CDH4: variants seen among roughly 807,000 people sequenced by gnomAD.
CDH4 encodes cadherin-4.
A neutral mutation model predicts 86.0 loss-of-function variants in CDH4; 33 were observed. The observed-to-expected ratio is 0.38, with a 90% CI of 0.29 to 0.51. The LOEUF (loss-of-function observed/expected upper bound fraction) is 0.51, where lower values mean the gene tolerates loss of function less well. Among genes scored for constraint, CDH4 ranks in the 20% least tolerant of loss-of-function variants. The pLI is 0.86. For missense variants in CDH4, 1,114 were observed against 1,307.4 expected (o/e 0.85, Z 2.28); for synonymous variants, 555 against 549.4 (o/e 1.01, Z -0.14).
chr20:61,603,257 C>T (rs974254409), intron 2 of CDH4, among the ~76,000 whole-genome samples: 7 of 151,942 alleles, frequency 4.6e-5, no homozygotes, highest in Non-Finnish European at 5.9e-5. Flanking sequence ...AAGTCAAGTC[C>T]GTGGAGAGTG....
At chr20:61,322,237 AC>A (rs1284687673) in intron 2 of CDH4, among the ~76,000 whole-genome samples, 1 of 151,358 alleles carries the variant, frequency 6.6e-6, no homozygotes, top group Non-Finnish European at 1.5e-5. Context: ...TTGACTAACT[AC>A]CCCCCATCCC....
At chr20:61,898,497 C>T (rs1600750757) in intron 8 of CDH4, among the ~76,000 whole-genome samples, 1 of 152,228 alleles carries the variant, frequency 6.6e-6, no homozygotes, top group Non-Finnish European at 1.5e-5. Context: ...CTATTAACAC[C>T]GATGGGTCCT....
At chr20:61,335,658 C>A (rs1016003291) in intron 2 of CDH4, among the ~76,000 whole-genome samples, 5 of 152,204 alleles carry the variant, frequency 3.3e-5, no homozygotes, top group Admixed American at 6.5e-5. Context: ...TCAGAAAACT[C>A]CCTCCATGGA....
intron 2 of CDH4, among the ~76,000 whole-genome samples, chr20:61,277,635 G>A (rs1349926784): frequency 6.6e-6 from 1 of 152,232 alleles, no homozygotes. Context: ...GCCAAAGTAT[G>A]TTTTATTTTG....
At chr20:61,311,319 CAA>C (rs1046241349) in intron 2 of CDH4, among the ~76,000 whole-genome samples, 26 of 152,242 alleles carry the variant, frequency 1.7e-4, no homozygotes, top group Non-Finnish European at 2.1e-4. Flanking sequence ...GGATCTGACT[CAA>C]TAAATATTTT....
At chr20:61,591,114 A>AC (rs370486520) in intron 2 of CDH4, among the ~76,000 whole-genome samples, 148 of 152,032 alleles carry the variant, frequency 9.7e-4, no homozygotes, top group African/African-American at 3.4e-3. Flanking sequence ...CCAGGGCTGG[A>AC]CCTACTAATA....
chr20:61,796,765 C>T (rs917391669), intron 4 of CDH4, among the ~76,000 whole-genome samples: 2 of 152,164 alleles, frequency 1.3e-5, no homozygotes, highest in African/African-American at 4.8e-5. Context: ...TCCCAGCACC[C>T]CCATCCTGCT....
chr20:61,890,194 G>A (rs111067188), intron 7 of CDH4, among the ~76,000 whole-genome samples: 36 of 144,230 alleles, frequency 2.5e-4, no homozygotes, highest in African/African-American at 7.5e-4. Flanking sequence ...ATGGATAGAT[G>A]ATGGATGGAT....
intron 2 of CDH4, among the ~76,000 whole-genome samples, chr20:61,588,141 C>T (rs1286431044): frequency 6.6e-6 from 1 of 152,160 alleles, no homozygotes; most frequent in African/African-American, 2.4e-5. Flanking sequence ...TAGCCTGCCA[C>T]GACCCTTCTG....
At chr20:61,773,330 C>G (rs765029942) in intron 4 of CDH4, 148 bp downstream of exon 4, 28 of 775,558 alleles carry the variant, frequency 3.6e-5, no homozygotes, top group Non-Finnish European at 5.4e-5. Flanking sequence ...AAGCCTTACA[C>G]AGCGCGATGA....
intron 2 of CDH4, among the ~76,000 whole-genome samples, chr20:61,673,153 G>T (rs542235756): frequency 6.6e-6 from 1 of 152,152 alleles, no homozygotes; most frequent in Non-Finnish European, 1.5e-5. Flanking sequence ...CAGAGAGAAC[G>T]CAGCCCTGCC....
chr20:61,932,948 G>T (rs113574520), intron 13 of CDH4, 37 bp from the exon 14 acceptor site: 9 of 1,597,402 alleles, frequency 5.6e-6, no homozygotes, highest in Non-Finnish European at 8.6e-7. Flanking sequence ...GCGCACACCC[G>T]CAGCACACCC....
chr20:61,909,660 G>A (rs373971354), intron 8 of CDH4, among the ~76,000 whole-genome samples: 100 of 152,192 alleles, frequency 6.6e-4, no homozygotes, highest in Middle Eastern at 3.4e-3. Context: ...ATATGTCTGC[G>A]TCTTCTCTTC....
At chr20:61,503,955 G>A (rs1011600841) in intron 2 of CDH4, among the ~76,000 whole-genome samples, 5 of 152,136 alleles carry the variant, frequency 3.3e-5, no homozygotes, top group East Asian at 1.9e-4. Context: ...GAGCCAGGTC[G>A]GCCAAGGAGG....
At chr20:61,805,961 GA>G (rs1258060003) in intron 4 of CDH4, among the ~76,000 whole-genome samples, 3 of 152,224 alleles carry the variant, frequency 2.0e-5, no homozygotes, top group Non-Finnish European at 4.4e-5. Flanking sequence ...TGGTGCTGTG[GA>G]AAGCTACGCA....
chr20:61,538,873 C>CT, intron 2 of CDH4, among the ~76,000 whole-genome samples: 1 of 152,332 alleles, frequency 6.6e-6, no homozygotes, highest in South Asian at 2.1e-4. Flanking sequence ...GGGTCAGGCT[C>CT]TTAGGAGGCT....
At chr20:61,732,777 T>C (rs924385495) in intron 2 of CDH4, among the ~76,000 whole-genome samples, 6 of 152,192 alleles carry the variant, frequency 3.9e-5, no homozygotes, top group African/African-American at 1.4e-4. Context: ...AGGCGATTCT[T>C]GAATGGATAA....
chr20:61,926,969 T>C, intron 11 of CDH4, among the ~76,000 whole-genome samples: 1 of 140,668 alleles, frequency 7.1e-6, no homozygotes, highest in Non-Finnish European at 1.6e-5. Context: ...GGAGCCGGGG[T>C]GCACAGGCTG....
intron 2 of CDH4, among the ~76,000 whole-genome samples, chr20:61,358,960 C>A (rs2084769085): frequency 6.6e-6 from 1 of 152,116 alleles, no homozygotes; most frequent in Non-Finnish European, 1.5e-5. Flanking sequence ...TCAGATAGAA[C>A]AGGGGTCTCT....
Sources: gnomAD v4.1 joint callset for allele counts (sites outside exome capture counted in the v4.1 genomes callset) on GRCh38, gnomAD v4.1.1 for gene constraint, MANE v1.5 for transcripts, NCBI Gene and HGNC (gene_info 2026-07-23, HGNC 2026-07-21) for gene names.